MBNL2: variants seen among roughly 807,000 people sequenced by gnomAD.
MBNL2 encodes the protein muscleblind like splicing regulator 2, also known as muscleblind-like protein 2.
MBNL2 carries 17 observed loss-of-function variants against 41.9 expected under a neutral mutation model. The ratio of observed to expected loss-of-function variants is 0.41; its 90% CI spans 0.28 to 0.61. MBNL2 has a LOEUF of 0.61. Ranked by LOEUF, MBNL2 falls within the 20% of genes least tolerant of loss-of-function variation. The pLI is 0.35. For missense variants in MBNL2, 336 were observed against 505.6 expected (o/e 0.66, Z 3.22); for synonymous variants, 195 against 182.9 (o/e 1.07, Z -0.53).
the MBNL2 span, among the ~76,000 whole-genome samples, chr13:97,188,300 G>A: frequency 2.0e-5 from 3 of 152,064 alleles, no homozygotes; most frequent in Admixed American, 6.6e-5. Flanking sequence ...CCAAATAACA[G>A]TTCCTAAGTG....
intron 2 of MBNL2, among the ~76,000 whole-genome samples, chr13:97,281,275 G>A (rs1202084693): frequency 1.3e-5 from 2 of 152,168 alleles, no homozygotes; most frequent in Non-Finnish European, 2.9e-5. Context: ...ACACCCCCTG[G>A]AGTTGTGCAG....
At chr13:97,208,672 A>C in the MBNL2 span, among the ~76,000 whole-genome samples, 1 of 152,236 alleles carries the variant, frequency 6.6e-6, no homozygotes, top group Non-Finnish European at 1.5e-5. Flanking sequence ...GCCAGGGCAG[A>C]AACACAAAGA....
At chr13:97,278,780 A>T (rs551397656) in intron 2 of MBNL2, among the ~76,000 whole-genome samples, 136 of 152,366 alleles carry the variant, frequency 8.9e-4, no homozygotes, top group Middle Eastern at 3.4e-3. Flanking sequence ...TCAGAATTGC[A>T]AAATTTCAGG....
intron 1 of MBNL2, among the ~76,000 whole-genome samples, chr13:97,261,272 G>T (rs1272149452): frequency 1.3e-5 from 2 of 152,010 alleles, no homozygotes; most frequent in Non-Finnish European, 2.9e-5. Flanking sequence ...ATTCACTGCT[G>T]CCACTTGGCA....
At chr13:97,197,651 G>A in the MBNL2 span, among the ~76,000 whole-genome samples, 1 of 152,132 alleles carries the variant, frequency 6.6e-6, no homozygotes, top group South Asian at 2.1e-4. Context: ...ACATTTGTTT[G>A]TGTTCTTTGA....
At position 97,222,338 on chromosome 13, in the gene MBNL2, G is replaced by C; in HGVS notation, c.-798G>C. The C allele has an allele frequency of 2.5e-6, 1 of 398,532 alleles. No individual in the cohort carries two copies. The highest frequency in any genetic ancestry group is 4.4e-6 in the Non-Finnish European group (1 of 226,004). The allele number at this position is 398,532 out of a possible 1,614,324, so 24.7% of individuals were successfully genotyped here. On this transcript the variant is annotated 5_prime_UTR_variant, in exon 1 of 9. Coordinates refer to ENST00000679496, the MANE Select transcript of MBNL2 (RefSeq NM_001382683.1). ...AGCTTACAGCAACAGAGTTTAGACTGTCTTTGCTTCATCATCTGAAGGTAA... is the reference window on the plus strand; with the variant it reads ...AGCTTACAGCAACAGAGTTTAGACTCTCTTTGCTTCATCATCTGAAGGTAA...
chr13:97,215,105 G>A, the MBNL2 span, among the ~76,000 whole-genome samples: 2 of 152,224 alleles, frequency 1.3e-5, no homozygotes, highest in Non-Finnish European at 2.9e-5. Flanking sequence ...GATTTCACAT[G>A]ACCACAGCTT....
At chr13:97,381,902 C>T (rs2065486118) in intron 8 of MBNL2, among the ~76,000 whole-genome samples, 1 of 151,868 alleles carries the variant, frequency 6.6e-6, no homozygotes, top group African/African-American at 2.4e-5. Context: ...TATTATGTTA[C>T]ATAATATTAA....
intron 1 of MBNL2, among the ~76,000 whole-genome samples, chr13:97,250,787 A>G (rs904992952): frequency 6.6e-6 from 1 of 152,144 alleles, no homozygotes; most frequent in Non-Finnish European, 1.5e-5. Context: ...CTCTCCTCCA[A>G]CACTAAGTAG....
intron 5 of MBNL2, among the ~76,000 whole-genome samples, 172 bp downstream of exon 5, chr13:97,347,239 C>T (rs1012779410): frequency 1.3e-5 from 2 of 152,096 alleles, no homozygotes; most frequent in Admixed American, 6.5e-5. Flanking sequence ...GTTTTGTTTT[C>T]CCCTCCTGCC....
the MBNL2 span, among the ~76,000 whole-genome samples, chr13:97,175,647 A>C: frequency 3.9e-5 from 6 of 152,196 alleles, no homozygotes; most frequent in African/African-American, 1.4e-4. Context: ...GTGGAGAACA[A>C]TGCCCCCAAC....
At chr13:97,353,543 C>T (rs1197808747) in intron 5 of MBNL2, among the ~76,000 whole-genome samples, 1 of 152,154 alleles carries the variant, frequency 6.6e-6, no homozygotes, top group Non-Finnish European at 1.5e-5. Flanking sequence ...AGATTTCCTG[C>T]TTATTTTGAT....
chr13:97,295,353 C>G (rs1000638325), intron 2 of MBNL2, among the ~76,000 whole-genome samples: 2 of 151,704 alleles, frequency 1.3e-5, no homozygotes, highest in Admixed American at 6.6e-5. Flanking sequence ...AAGATACTAA[C>G]AGACAGTCCC....
chr13:97,272,943 T>C (rs2051377450), intron 1 of MBNL2, among the ~76,000 whole-genome samples: 1 of 152,180 alleles, frequency 6.6e-6, no homozygotes, highest in African/African-American at 2.4e-5. Context: ...GGAAAAAATA[T>C]ATATTTCTTC....
chr13:97,166,969 GA>G, the MBNL2 span, among the ~76,000 whole-genome samples: 1 of 152,108 alleles, frequency 6.6e-6, no homozygotes, highest in Admixed American at 6.6e-5. Context: ...TCAACAACCT[GA>G]AATTTGTACT....
At chr13:97,382,820 G>T (rs964045360) in intron 8 of MBNL2, among the ~76,000 whole-genome samples, 1 of 151,806 alleles carries the variant, frequency 6.6e-6, no homozygotes, top group Admixed American at 6.6e-5. Context: ...GGCCATGCCT[G>T]GCTAATTTTT....
At chr13:97,150,444 GA>G in the MBNL2 span, among the ~76,000 whole-genome samples, 1 of 152,136 alleles carries the variant, frequency 6.6e-6, no homozygotes, top group African/African-American at 2.4e-5. Flanking sequence ...CCTGATACAT[GA>G]AAAATTTTCT....
chr13:97,177,764 T>C, the MBNL2 span, among the ~76,000 whole-genome samples: 42 of 152,228 alleles, frequency 2.8e-4, no homozygotes, highest in African/African-American at 9.9e-4. Flanking sequence ...AAAAATATAA[T>C]CTCAAAAATT....
chr13:97,222,773 C>G (rs2041005593), intron 1 of MBNL2, among the ~76,000 whole-genome samples: 1 of 152,140 alleles, frequency 6.6e-6, no homozygotes, highest in African/African-American at 2.4e-5. Context: ...AGAATCGATT[C>G]ATTTATTATA....
Sources: allele counts gnomAD v4.1 joint callset (sites outside exome capture counted in the v4.1 genomes callset), GRCh38; gene constraint gnomAD v4.1.1; transcripts MANE v1.5; gene names NCBI Gene and HGNC (gene_info 2026-07-23, HGNC 2026-07-21).